Variants in OCRL observed in about 807,000 individuals in gnomAD.
OCRL encodes the protein OCRL inositol polyphosphate-5-phosphatase.
A neutral mutation model predicts 78.9 loss-of-function variants in OCRL; 8 were observed. The ratio of observed to expected loss-of-function variants is 0.10; its 90% confidence interval spans 0.06 to 0.18. The LOEUF (loss-of-function observed/expected upper bound fraction) is 0.18. Ranked by LOEUF, OCRL falls within the 10% of genes least tolerant of loss-of-function variation. The pLI, the probability that OCRL is intolerant of heterozygous loss-of-function variation, is 1.00. For missense variants in OCRL, 454 were observed against 696.7 expected (o/e 0.65, Z 3.92); for synonymous variants, 240 against 235.4 (o/e 1.02, Z -0.18).
intron 4 of OCRL, among the ~76,000 whole-genome samples, chrX:129,554,650 AC>A (rs1417613352): frequency 8.9e-6 from 1 of 111,886 alleles, no homozygotes. Context: ...GAGAATATAA[AC>A]AGACTCCATT....
intron 8 of OCRL, 80 bp from the exon 9 acceptor site, chrX:129,560,470 T>C (rs1269997049): frequency 3.3e-6 from 2 of 607,781 alleles, no homozygotes; most frequent in African/African-American, 4.4e-5. Flanking sequence ...CATACCTTTG[T>C]ATGGAAGCGA....
In OCRL at chrX:129,561,188, A is replaced by G. The variant is rs749276675; in HGVS notation, c.834A>G (p.Glu278=). ...TCCCTTTTTTCCTCAGATTCCAAGAACTGGACTTGAGCACAGAAGCCTTCT... is the reference window on the plus strand; with the variant it reads ...TCCCTTTTTTCCTCAGATTCCAAGAGCTGGACTTGAGCACAGAAGCCTTCT... ...PPDIYCIGFQ[E]LDLSTEAFFY... Residue 278 remains glutamate (E), a synonymous_variant, in exon 10 of 24, where the codon GAA becomes GAG. Transcript: ENST00000371113. 14 of 1,191,956 alleles carry G rather than the reference A, an allele frequency of 1.2e-5. No homozygotes were observed. The highest frequency in any genetic ancestry group is 1.8e-5 in the African/African-American group (1 of 56,854).
At chrX:129,540,519 C>T in intron 1 of OCRL, 41 bp downstream of exon 1, 2 of 1,086,519 alleles carry the variant, frequency 1.8e-6, no homozygotes, top group Non-Finnish European at 1.2e-6. Context: ...CCGCGCAGGG[C>T]CGGGGGTGGG....
intron 8 of OCRL, 92 bp from the exon 9 acceptor site, chrX:129,560,458 A>G: frequency 1.8e-6 from 1 of 562,906 alleles, no homozygotes; most frequent in Non-Finnish European, 3.1e-6. Flanking sequence ...GCATATTGTG[A>G]ACATACCTTT....
Position 129,592,436 on chromosome X carries a change from T to G in OCRL, c.*2166T>G, listed in dbSNP as rs1179819441. On this transcript the variant is annotated 3_prime_UTR_variant, in exon 24 of 24. Transcript: ENST00000371113. ...TCTTATTCTGTAATTGTTTGTTATA[T>G]TTCCCAAAAACGTCTTGATCACTAA... The G allele has an allele frequency of 8.9e-6, 1 of 112,982 alleles. No individual in the cohort carries two copies. The highest frequency in any genetic ancestry group is 9.4e-5 in the Admixed American group (1 of 10,626). 9.3% of individuals were successfully genotyped at this position (112,982 alleles called of 1,213,427 possible).
Position 129,590,666 on chromosome X carries a change from T to C in OCRL, c.*396T>C. ...CACTACTTGCTGTAGCTGAGACTTG[T>C]CTAGAGTCCTTTGTTTTGCACTTTT... On this transcript the variant is annotated 3_prime_UTR_variant, in exon 24 of 24. Transcript: ENST00000371113. The C allele has an allele frequency of 4.7e-6, 1 of 213,174 alleles. No individual in the cohort carries two copies. The highest frequency in any genetic ancestry group is 8.6e-6 in the Non-Finnish European group (1 of 116,197). 17.6% of individuals were successfully genotyped at this position (213,174 alleles called of 1,213,427 possible). A position where few individuals can be genotyped will look rare whatever the true frequency, so the allele number is the denominator to read the frequency against.
At chrX:129,586,967 G>A in intron 19 of OCRL, 35 bp from the exon 20 acceptor site, 2 of 926,856 alleles carry the variant, frequency 2.2e-6, no homozygotes, top group Non-Finnish European at 3.1e-6. Context: ...TTTATTCTGA[G>A]ACCCCTTTGA....
intron 4 of OCRL, among the ~76,000 whole-genome samples, chrX:129,551,636 A>G (rs1935961547): frequency 8.9e-6 from 1 of 112,045 alleles, no homozygotes; most frequent in Non-Finnish European, 1.9e-5. Context: ...GGATTTCACC[A>G]TGTTAGCCAG....
chrX:129,578,832 TTC>T (rs1015375646), intron 18 of OCRL, among the ~76,000 whole-genome samples: 6 of 111,072 alleles, frequency 5.4e-5, no homozygotes, highest in African/African-American at 1.6e-4. Flanking sequence ...ATTACAGAAT[TTC>T]TGAGTTTTTA....
chrX:129,577,050 C>G (rs966964305), intron 18 of OCRL, among the ~76,000 whole-genome samples: 1 of 111,259 alleles, frequency 9.0e-6, no homozygotes, highest in African/African-American at 3.3e-5. Context: ...CACATTATAT[C>G]TAATCAGAGT....
rs1287516134 is a variant in OCRL, at chrX:129,540,320, C to G, written c.-120C>G. The stretch of plus-strand genomic sequence containing the variant: ...CTCCCGGCTCCCGGCGCCCGGCGCC[C>G]GGCGCGGAGCTGTTCCTCAAACGAC... On this transcript the variant is annotated 5_prime_UTR_variant, in exon 1 of 24. Coordinates refer to ENST00000371113, the MANE Select transcript of OCRL (RefSeq NM_000276.4). 2.4e-6 allele frequency: 2 copies of G among 822,197 alleles called. No homozygotes were observed. The highest frequency in any genetic ancestry group is 3.5e-6 in the Non-Finnish European group (2 of 575,554). The allele number at this position is 822,197 out of a possible 1,213,427, so 67.8% of individuals were successfully genotyped here.
At chrX:129,578,334 T>TG (rs1235016006) in intron 18 of OCRL, among the ~76,000 whole-genome samples, 1 of 111,202 alleles carries the variant, frequency 9.0e-6, no homozygotes, top group Non-Finnish European at 1.9e-5. Context: ...AAGTCTCTAT[T>TG]GGAGTAGTAC....
At chrX:129,551,623 A>C (rs987786320) in intron 4 of OCRL, among the ~76,000 whole-genome samples, 2 of 111,803 alleles carry the variant, frequency 1.8e-5, no homozygotes, top group Non-Finnish European at 3.8e-5. Flanking sequence ...TTTAGTGAAG[A>C]CAGGATTTCA....
intron 8 of OCRL, 58 bp from the exon 9 acceptor site, chrX:129,560,492 T>G: frequency 2.6e-6 from 2 of 773,513 alleles, no homozygotes; most frequent in Non-Finnish European, 2.0e-6. Context: ...AAGAAAGAAC[T>G]TCTGTTGGTT....
At chrX:129,561,445 T>C (rs1936144194) in intron 10 of OCRL, 152 bp downstream of exon 10, 1 of 454,219 alleles carries the variant, frequency 2.2e-6, no homozygotes, top group Non-Finnish European at 3.9e-6. Context: ...CATTCATCCT[T>C]ATTTCCTAGA....
chrX:129,544,712 T>C (rs1257175565), intron 2 of OCRL, among the ~76,000 whole-genome samples: 1 of 111,349 alleles, frequency 9.0e-6, no homozygotes. Context: ...ATTCATGCTC[T>C]TAAGCTTGTA....
chrX:129,564,202 A>G (rs1224387278), intron 12 of OCRL, among the ~76,000 whole-genome samples: 86 of 111,192 alleles, frequency 7.7e-4, no homozygotes, highest in African/African-American at 2.7e-3. Context: ...AATGGCAATC[A>G]TTAAAAAGTC....
intron 12 of OCRL, among the ~76,000 whole-genome samples, chrX:129,564,762 CCTAATG>C (rs1476353943): frequency 9.1e-6 from 1 of 110,195 alleles, no homozygotes; most frequent in Admixed American, 9.6e-5. Context: ...AGGAGATATA[CCTAATG>C]CTAAATGACG....
At chrX:129,559,029 TA>T in intron 8 of OCRL, 28 bp downstream of exon 8, 1 of 1,182,029 alleles carries the variant, frequency 8.5e-7, no homozygotes, top group Admixed American at 2.2e-5. Context: ...TTCCTGAGTC[TA>T]AAAAGTTAGT....
Sources: allele counts gnomAD v4.1 joint callset (sites outside exome capture counted in the v4.1 genomes callset), GRCh38; gene constraint gnomAD v4.1.1; transcripts MANE v1.5; gene names NCBI Gene and HGNC (gene_info 2026-07-23, HGNC 2026-07-21).